Variants in CALN1 observed in about 807,000 individuals in gnomAD.
The protein encoded by CALN1 is calneuron 1.
CALN1 carries 17 observed loss-of-function variants against 30.6 expected under a neutral mutation model. The observed-to-expected ratio is 0.56, with a 90% CI of 0.38 to 0.83. The LOEUF (loss-of-function observed/expected upper bound fraction) is 0.83. Ranked by LOEUF, CALN1 falls within the 40% of genes least tolerant of loss-of-function variation. CALN1 has a pLI of 0.00. For missense variants in CALN1, 291 were observed against 354.9 expected, an observed-to-expected ratio of 0.82 and a Z score of 1.45; for synonymous variants, 156 against 131.4, an observed-to-expected ratio of 1.19 and a Z score of -1.28.
chr7:72,269,960 A>C (rs568565906), intron 3 of CALN1, among the ~76,000 whole-genome samples: 1 of 152,304 alleles, frequency 6.6e-6, no homozygotes, highest in South Asian at 2.1e-4. Context: ...CTATTGTCTT[A>C]ATGATTAATC....
intron 5 of CALN1, among the ~76,000 whole-genome samples, chr7:71,948,859 T>C (rs566655826): frequency 1.7e-4 from 25 of 150,844 alleles, no homozygotes; most frequent in African/African-American, 5.6e-4. Context: ...CTGGGCAACA[T>C]AGTGAGACCC....
the CALN1 span, among the ~76,000 whole-genome samples, chr7:72,458,194 A>C: frequency 1.7e-5 from 2 of 119,766 alleles, no homozygotes; most frequent in Non-Finnish European, 3.3e-5. Context: ...TTAATATATT[A>C]TAATATATAA....
intron 4 of CALN1, among the ~76,000 whole-genome samples, chr7:72,065,069 AAT>A (rs1187677558): frequency 6.7e-6 from 1 of 148,304 alleles, no homozygotes; most frequent in African/African-American, 2.5e-5. Flanking sequence ...ATATATGTAA[AAT>A]ATATTTATAT....
intron 5 of CALN1, among the ~76,000 whole-genome samples, chr7:72,007,533 C>A (rs774112289): frequency 6.6e-6 from 1 of 152,104 alleles, no homozygotes; most frequent in Non-Finnish European, 1.5e-5. Flanking sequence ...GGCAAGAGAG[C>A]GAGACTCTGT....
chr7:71,970,972 G>A lies in CALN1; in HGVS notation c.501+52685C>T, dbSNP rs140117245. 1.1e-4 allele frequency among the ~76,000 whole-genome samples: 16 copies of A among 152,296 alleles called. No individual in the cohort carries two copies. The East Asian group carries it at 3.1e-3, about 29-fold the overall frequency. ...GCAGGTTCACTCGGCATTCCCAGCG[G>A]AGGCAAGAAAGATCCTGAAGGCATC... On this transcript the variant is annotated intron_variant, in intron 5 of 6. Coordinates refer to ENST00000395275, the MANE Select transcript of CALN1 (RefSeq NM_031468.4).
intron 2 of CALN1, among the ~76,000 whole-genome samples, chr7:72,379,500 C>A (rs1804766528): frequency 6.6e-6 from 1 of 152,200 alleles, no homozygotes; most frequent in African/African-American, 2.4e-5. Flanking sequence ...CCTCTACAAG[C>A]AGCACTACAC....
chr7:72,383,157 C>A (rs982409008), intron 2 of CALN1, among the ~76,000 whole-genome samples: 4 of 152,154 alleles, frequency 2.6e-5, no homozygotes, highest in Admixed American at 2.6e-4. Context: ...TTATCCAAAT[C>A]CACCGCTGAT....
At chr7:71,953,676 A>G (rs1249567176) in intron 5 of CALN1, among the ~76,000 whole-genome samples, 1 of 152,088 alleles carries the variant, frequency 6.6e-6, no homozygotes, top group East Asian at 1.9e-4. Context: ...TGAGAAATAA[A>G]TATTTACTGA....
At chr7:72,337,316 G>C in intron 2 of CALN1, 1 of 982,098 alleles carries the variant, frequency 1.0e-6, no homozygotes, top group Non-Finnish European at 1.2e-6. Flanking sequence ...TCCTCCGAGG[G>C]TCGGGGAGCC....
intron 4 of CALN1, among the ~76,000 whole-genome samples, chr7:72,041,083 C>T (rs879496037): frequency 6.6e-6 from 1 of 151,982 alleles, no homozygotes; most frequent in Admixed American, 6.6e-5. Context: ...AGCTTTATGG[C>T]CTAAAATTGA....
chr7:72,141,398 G>C (rs945984475), intron 3 of CALN1, among the ~76,000 whole-genome samples: 1 of 152,066 alleles, frequency 6.6e-6, no homozygotes, highest in South Asian at 2.1e-4. Context: ...TCAAGAGTTC[G>C]AGACCAGCCC....
intron 5 of CALN1, among the ~76,000 whole-genome samples, chr7:71,880,929 T>A (rs1792524478): frequency 6.6e-6 from 1 of 152,150 alleles, no homozygotes; most frequent in Non-Finnish European, 1.5e-5. Flanking sequence ...GCTGTGTCTG[T>A]GAGGATGTTG....
At chr7:72,430,810 G>A (rs973417435) in intron 1 of CALN1, among the ~76,000 whole-genome samples, 1 of 152,012 alleles carries the variant, frequency 6.6e-6, no homozygotes, top group Admixed American at 6.6e-5. Context: ...TGCCACCTCC[G>A]GCTCTACCAA....
At chr7:72,187,828 T>C (rs1033332940) in intron 3 of CALN1, among the ~76,000 whole-genome samples, 2 of 152,220 alleles carry the variant, frequency 1.3e-5, no homozygotes, top group Admixed American at 6.5e-5. Context: ...ATAAAATTTG[T>C]GATATATGTT....
chr7:72,407,993 C>G (rs1347931625), intron 1 of CALN1, among the ~76,000 whole-genome samples: 5 of 152,120 alleles, frequency 3.3e-5, no homozygotes, highest in African/African-American at 1.2e-4. Flanking sequence ...TGATTCTCCC[C>G]TTCTGTGGCA....
At chr7:72,143,530 A>ACC (rs1810114392) in intron 3 of CALN1, among the ~76,000 whole-genome samples, 1 of 152,210 alleles carries the variant, frequency 6.6e-6, no homozygotes, top group South Asian at 2.1e-4. Flanking sequence ...GGGAGAATGG[A>ACC]ACCAAGTTGG....
intron 3 of CALN1, among the ~76,000 whole-genome samples, chr7:72,120,668 A>G (rs1335722817): frequency 6.6e-6 from 1 of 152,162 alleles, no homozygotes; most frequent in African/African-American, 2.4e-5. Context: ...GCTTCCCATG[A>G]ATTTCAGGCA....
chr7:72,354,589 T>C (rs908301400), intron 2 of CALN1, among the ~76,000 whole-genome samples: 7 of 152,108 alleles, frequency 4.6e-5, no homozygotes, highest in African/African-American at 1.4e-4. Context: ...GGCACAAGGA[T>C]AGATGTATAG....
intron 4 of CALN1, among the ~76,000 whole-genome samples, chr7:72,091,260 G>A (rs1438696537): frequency 6.6e-6 from 1 of 152,172 alleles, no homozygotes; most frequent in Non-Finnish European, 1.5e-5. Context: ...GGAACTGGTA[G>A]GCAAAGGTAG....
Sources: gnomAD v4.1 joint callset for allele counts (sites outside exome capture counted in the v4.1 genomes callset) on GRCh38, gnomAD v4.1.1 for gene constraint, MANE v1.5 for transcripts, NCBI Gene and HGNC (gene_info 2026-07-23, HGNC 2026-07-21) for gene names.